The following ANKRD11 variants were observed in gnomAD, a reference collection of about 807,000 sequenced individuals.
ANKRD11 encodes the protein ankyrin repeat domain 11.
ANKRD11 carries 17 observed loss-of-function variants against 195.7 expected under a neutral mutation model. The ratio of observed to expected loss-of-function variants is 0.09; its 90% CI spans 0.06 to 0.13. ANKRD11 has a LOEUF of 0.13. Among genes scored for constraint, ANKRD11 ranks in the 10% least tolerant of loss-of-function variants. The pLI, the probability that ANKRD11 is intolerant of heterozygous loss-of-function variation, is 1.00. For synonymous variants in ANKRD11, 1,953 were observed against 1,528.1 expected (o/e 1.28, Z -6.49); for missense variants, 3,735 against 3,566.1 (o/e 1.05, Z -1.21).
intron 1 of ANKRD11, among the ~76,000 whole-genome samples, chr16:89,481,081 C>T (rs2057429243): frequency 6.6e-6 from 1 of 152,196 alleles, no homozygotes; most frequent in East Asian, 1.9e-4. Flanking sequence ...GTCTCCTTTG[C>T]TCTATCGTTT....
chr16:89,465,076 G>A (rs1438142943), intron 1 of ANKRD11, among the ~76,000 whole-genome samples: 1 of 152,218 alleles, frequency 6.6e-6, no homozygotes, highest in African/African-American at 2.4e-5. Flanking sequence ...TTCAGTGTTA[G>A]TAATAGTTGT....
intron 1 of ANKRD11, among the ~76,000 whole-genome samples, chr16:89,429,130 G>T (rs546723299): frequency 1.1e-3 from 165 of 149,380 alleles, no homozygotes; most frequent in African/African-American, 3.9e-3. Context: ...ACACAGCAGG[G>T]ACTCTCAACT....
intron 1 of ANKRD11, among the ~76,000 whole-genome samples, chr16:89,450,538 T>G (rs537689799): frequency 1.3e-5 from 2 of 152,198 alleles, no homozygotes; most frequent in Non-Finnish European, 2.9e-5. Flanking sequence ...CCGCTTTGTT[T>G]TAGTACTGAT....
chr16:89,428,545 GA>G (rs1374856108), intron 1 of ANKRD11, among the ~76,000 whole-genome samples: 1 of 151,534 alleles, frequency 6.6e-6, no homozygotes, highest in East Asian at 2.0e-4. Context: ...AATGAATGAT[GA>G]ATGAATGAAT....
chr16:89,346,822 G>C (rs1195278721), intron 2 of ANKRD11, among the ~76,000 whole-genome samples: 26 of 152,108 alleles, frequency 1.7e-4, no homozygotes, highest in Non-Finnish European at 2.9e-5. Flanking sequence ...CAAAAGAATA[G>C]AAGAAAAACA....
chr16:89,365,996 T>A (rs1481169531), intron 2 of ANKRD11, among the ~76,000 whole-genome samples: 1 of 151,998 alleles, frequency 6.6e-6, no homozygotes, highest in African/African-American at 2.4e-5. Context: ...TTGTTAAGGA[T>A]AAGGGCCTCC....
At position 89,397,699 on chromosome 16, in the gene ANKRD11, C is replaced by T. The variant is rs3751701; in HGVS notation, c.-60+20585G>A. On this transcript the variant is annotated intron_variant, in intron 2 of 12. Coordinates refer to ENST00000301030, the MANE Select transcript of ANKRD11 (RefSeq NM_013275.6). ...CAGTGTGCTTTTGTGGATGCTGACC[C>T]GGTACTGCTCTTGGAATGTCAAGAT... Among the ~76,000 whole-genome samples the T allele has an allele frequency of 3.3e-5, 5 of 152,352 alleles. No individual in the cohort carries two copies. The East Asian group carries it at 9.6e-4, about 29-fold the overall frequency.
chr16:89,313,818 G>A (rs998163575), intron 3 of ANKRD11, among the ~76,000 whole-genome samples: 2 of 152,166 alleles, frequency 1.3e-5, no homozygotes, highest in African/African-American at 2.4e-5. Context: ...TCAAGCTACT[G>A]TTCAAGCTAA....
rs74033795 is a variant in ANKRD11, at chr16:89,447,672, C to T, written c.-144-29304G>A. On this transcript the variant is annotated intron_variant, in intron 1 of 12. Coordinates refer to ENST00000301030, the MANE Select transcript of ANKRD11 (RefSeq NM_013275.6). ...CCTTTGGCCCTAAGAACACTGCATC[C>T]GGACACGCAGGCCCTCGGCCTCCCA... Among the ~76,000 whole-genome samples the T allele has an allele frequency of 3.7e-3, 571 of 152,296 alleles. 2 individuals are homozygous for T. Among genetic ancestry groups the T allele is most frequent in the African/African-American group, 0.013 (528 of 41,566 alleles).
chr16:89,346,418 A>T (rs192214804), intron 2 of ANKRD11, among the ~76,000 whole-genome samples: 1 of 152,186 alleles, frequency 6.6e-6, no homozygotes, highest in South Asian at 2.1e-4. Flanking sequence ...AACATATAAA[A>T]TCATCCAATA....
intron 1 of ANKRD11, among the ~76,000 whole-genome samples, chr16:89,469,714 C>T (rs1160925959): frequency 6.8e-6 from 1 of 147,498 alleles, no homozygotes; most frequent in Non-Finnish European, 1.5e-5. Context: ...CTGGCTAACA[C>T]GGTGAAACCC....
rs534641551 is a variant in ANKRD11 at position 89,382,618 on chromosome 16, T to G, written c.-60+35666A>C. 1.1e-4 allele frequency among the ~76,000 whole-genome samples: 16 copies of G among 152,206 alleles called. No individual in the cohort carries two copies. The South Asian group carries it at 3.3e-3, about 32-fold the overall frequency. ...TCCCAAAGTGCTGAGATTACAGGCC[T>G]GAGCCACCACACTTGGCCGACAAAT... On this transcript the variant is annotated intron_variant, in intron 2 of 12. Transcript: ENST00000301030.
chr16:89,325,469 T>TCACACACA (rs59319003), intron 2 of ANKRD11, among the ~76,000 whole-genome samples: 20 of 147,638 alleles, frequency 1.4e-4, no homozygotes, highest in African/African-American at 5.2e-4. Context: ...TCTCTCTCTC[T>TCACACACA]CACACACACA....
chr16:89,409,965 G>A (rs1490830084), intron 2 of ANKRD11, among the ~76,000 whole-genome samples: 2 of 151,992 alleles, frequency 1.3e-5, no homozygotes, highest in African/African-American at 2.4e-5. Flanking sequence ...TCAGCCTCCT[G>A]AGTAGCTGGG....
rs1197627966 is a variant in ANKRD11 at position 89,305,691 on chromosome 16, ACCTCCCACTCCGCAGACACG to A, written c.88-367_88-348del. ...ACCTCCCACTCCGCAGACACGCGCC[ACCTCCCACTCCGCAGACACG>A]CGCCACCTCCCACTCCGCAGACACG... On this transcript the variant is annotated intron_variant, in intron 3 of 12. Transcript: ENST00000301030. 3.5e-3 allele frequency among the ~76,000 whole-genome samples: 424 copies of A among 120,160 alleles called. 7 individuals carry two copies. Among genetic ancestry groups the A allele is most frequent in the African/African-American group, 0.014 (406 of 29,246 alleles). 78.8% of individuals were successfully genotyped at this position (120,160 alleles called of 152,430 possible). A position where few individuals can be genotyped will look rare whatever the true frequency, so the allele number is the denominator to read the frequency against.
chr16:89,393,315 T>A (rs989603129), intron 2 of ANKRD11, among the ~76,000 whole-genome samples: 15 of 131,058 alleles, frequency 1.1e-4, no homozygotes, highest in African/African-American at 3.8e-4. Context: ...TTTATTTTTA[T>A]TTTTTTTTTT....
intron 2 of ANKRD11, among the ~76,000 whole-genome samples, chr16:89,367,339 G>C (rs138988073): frequency 6.6e-5 from 10 of 152,366 alleles, no homozygotes; most frequent in African/African-American, 2.4e-4. Flanking sequence ...GAGCACAGTG[G>C]CGGCGCCCAG....
intron 2 of ANKRD11, among the ~76,000 whole-genome samples, chr16:89,389,168 G>A (rs117696062): frequency 0.011 from 1,638 of 152,014 alleles, 9 homozygotes; most frequent in Non-Finnish European, 0.016. Context: ...ACAGATACAC[G>A]CCACTACGTC....
intron 1 of ANKRD11, among the ~76,000 whole-genome samples, chr16:89,463,902 C>A (rs954809201): frequency 6.6e-5 from 10 of 152,152 alleles, no homozygotes; most frequent in Non-Finnish European, 1.3e-4. Flanking sequence ...GTTCAGACTG[C>A]AATTCTATTT....
Sources: gnomAD v4.1 joint callset for allele counts (sites outside exome capture counted in the v4.1 genomes callset) on GRCh38, gnomAD v4.1.1 for gene constraint, MANE v1.5 for transcripts, NCBI Gene and HGNC (gene_info 2026-07-23, HGNC 2026-07-21) for gene names.